The following LRRC37A2 variants were observed in gnomAD, a reference collection of about 807,000 sequenced individuals.
LRRC37A2 encodes the protein leucine-rich repeat-containing protein 37A2.
A neutral mutation model predicts 68.8 loss-of-function variants in LRRC37A2; 9 were observed. The ratio of observed to expected loss-of-function variants is 0.13; its 90% CI spans 0.08 to 0.23. LRRC37A2 has a LOEUF of 0.23. Among genes scored for constraint, LRRC37A2 ranks in the 10% least tolerant of loss-of-function variants. The probability of loss-of-function intolerance (pLI) is 1.00; values close to 1 mark genes in which losing one functional copy is unlikely to be tolerated. For missense variants in LRRC37A2, 168 were observed against 950.4 expected (o/e 0.18, Z 10.82); for synonymous variants, 63 against 367.6 (o/e 0.17, Z 9.48).
chr17:46,534,359 T>C (rs2054236673), intron 6 of LRRC37A2, among the ~76,000 whole-genome samples: 1 of 145,056 alleles, frequency 6.9e-6, no homozygotes, highest in African/African-American at 2.7e-5. Flanking sequence ...CCACAGTGTT[T>C]GTGTCCCTGG....
chr17:46,978,514 C>A, the LRRC37A2 span: 15 of 1,133,876 alleles, frequency 1.3e-5, no homozygotes, highest in Non-Finnish European at 1.8e-5. Context: ...CTCGCCGCGT[C>A]CCCGCCCGGG....
At chr17:46,851,769 C>T in the LRRC37A2 span, 1 of 966,876 alleles carries the variant, frequency 1.0e-6, no homozygotes, top group Non-Finnish European at 1.4e-6. The surrounding 1 kb of genome is among the most constrained non-coding windows in gnomAD (Gnocchi z 4.3). Context: ...TCTCTCCCTC[C>T]TGCGCTACAG....
At chr17:46,924,137 A>G in the LRRC37A2 span, 56 of 329,162 alleles carry the variant, frequency 1.7e-4, no homozygotes, top group African/African-American at 1.1e-3. Flanking sequence ...TCTTCCTTCC[A>G]GAACACCTAG....
the LRRC37A2 span, chr17:46,830,678 G>A: frequency 2.5e-6 from 1 of 398,642 alleles, no homozygotes; most frequent in Non-Finnish European, 4.4e-6. Context: ...TTTGGTCAAA[G>A]GTTGGACTTT....
At chr17:46,891,599 A>G in the LRRC37A2 span, among the ~76,000 whole-genome samples, 7 of 152,182 alleles carry the variant, frequency 4.6e-5, no homozygotes, top group Admixed American at 3.9e-4. Context: ...CTATCAGTTC[A>G]GTTGGGAGGA....
At chr17:46,741,154 A>T in the LRRC37A2 span, among the ~76,000 whole-genome samples, 1 of 152,190 alleles carries the variant, frequency 6.6e-6, no homozygotes, top group Non-Finnish European at 1.5e-5. Context: ...CTCACTGGAC[A>T]TGAGAGCCTC....
chr17:46,534,806 G>T (rs1212607713), intron 6 of LRRC37A2, among the ~76,000 whole-genome samples: 5 of 147,782 alleles, frequency 3.4e-5, no homozygotes, highest in Admixed American at 2.6e-4. Flanking sequence ...CCCGGAGGGG[G>T]CGGCTGGCCA....
At chr17:46,833,446 T>C in the LRRC37A2 span, 3 of 512,104 alleles carry the variant, frequency 5.9e-6, no homozygotes, top group African/African-American at 1.9e-5. Context: ...AGAAGGTGAG[T>C]GTTAGGGAGG....
At chr17:46,972,160 G>T in the LRRC37A2 span, among the ~76,000 whole-genome samples, 1 of 152,194 alleles carries the variant, frequency 6.6e-6, no homozygotes, top group African/African-American at 2.4e-5. Flanking sequence ...CAGGCTGTGT[G>T]CTGACAGAAC....
the LRRC37A2 span, among the ~76,000 whole-genome samples, chr17:46,843,276 C>G: frequency 6.6e-6 from 1 of 152,232 alleles, no homozygotes; most frequent in Non-Finnish European, 1.5e-5. Flanking sequence ...TCAACCTCCT[C>G]TCACTCCAAA....
chr17:47,040,462 T>C, the LRRC37A2 span, among the ~76,000 whole-genome samples: 2 of 151,616 alleles, frequency 1.3e-5, no homozygotes, highest in African/African-American at 4.8e-5. Flanking sequence ...ATCAGATCCA[T>C]GCTGCCAGGG....
the LRRC37A2 span, among the ~76,000 whole-genome samples, chr17:46,766,241 C>T: frequency 6.6e-6 from 1 of 152,078 alleles, no homozygotes; most frequent in South Asian, 2.1e-4. Context: ...AAACCCGTCT[C>T]TACTAAAAAT....
At chr17:47,016,014 G>A in the LRRC37A2 span, among the ~76,000 whole-genome samples, 19 of 151,802 alleles carry the variant, frequency 1.3e-4, no homozygotes, top group Admixed American at 2.6e-4. Flanking sequence ...TTGCGATCTC[G>A]GCTCACTGCA....
chr17:46,726,457 G>T, the LRRC37A2 span: 1 of 1,122,144 alleles, frequency 8.9e-7, no homozygotes, highest in Non-Finnish European at 1.4e-6. Context: ...CCTGTGCTTT[G>T]TTTAGTATTG....
chr17:46,785,875 C>G, the LRRC37A2 span, among the ~76,000 whole-genome samples: 1 of 152,092 alleles, frequency 6.6e-6, no homozygotes, highest in Admixed American at 6.5e-5. Context: ...GAGGGCGGGG[C>G]AGTGCCTGGG....
the LRRC37A2 span, among the ~76,000 whole-genome samples, chr17:46,894,287 G>A: frequency 5.3e-5 from 8 of 152,310 alleles, no homozygotes; most frequent in African/African-American, 7.2e-5. Flanking sequence ...ACTTCACAGC[G>A]GGCAATGTGA....
At chr17:46,728,731 A>C in the LRRC37A2 span, 1 of 535,136 alleles carries the variant, frequency 1.9e-6, no homozygotes, top group East Asian at 3.1e-5. Flanking sequence ...TTCTTATTCT[A>C]TACATATTCT....
the LRRC37A2 span, among the ~76,000 whole-genome samples, chr17:46,467,764 G>A: frequency 9.5e-6 from 1 of 105,300 alleles, no homozygotes; most frequent in Non-Finnish European, 2.1e-5. Context: ...ATTTTGGACA[G>A]TCCACACTGA....
At chr17:46,972,881 A>G in the LRRC37A2 span, 1 of 153,212 alleles carries the variant, frequency 6.5e-6, no homozygotes, top group Non-Finnish European at 1.5e-5. Context: ...CAGCATTAGG[A>G]GAGCGACATA....
Sources: allele counts gnomAD v4.1 joint callset (sites outside exome capture counted in the v4.1 genomes callset), GRCh38; gene constraint gnomAD v4.1.1; non-coding constraint Gnocchi (gnomAD v3.1); transcripts MANE v1.5; gene names NCBI Gene and HGNC (gene_info 2026-07-23, HGNC 2026-07-21).